Variants in C13orf42 observed in about 807,000 individuals in gnomAD.
C13orf42 encodes the protein chromosome 13 open reading frame 42.
chr13:51,144,756 A>G (rs1204091425), intron 1 of C13orf42, among the ~76,000 whole-genome samples: 1 of 152,202 alleles, frequency 6.6e-6, no homozygotes, highest in Non-Finnish European at 1.5e-5. Context: ...AAAGAAAAGG[A>G]AATTTCACCC....
At chr13:51,137,903 T>C (rs1953669512) in intron 1 of C13orf42, among the ~76,000 whole-genome samples, 1 of 152,210 alleles carries the variant, frequency 6.6e-6, no homozygotes, top group South Asian at 2.1e-4. Flanking sequence ...TGGCTTCTGT[T>C]ACTTACAAAT....
intron 1 of C13orf42, among the ~76,000 whole-genome samples, chr13:51,158,939 T>C (rs1459251551): frequency 6.6e-6 from 1 of 152,234 alleles, no homozygotes; most frequent in Non-Finnish European, 1.5e-5. Context: ...TGGTTTTCCT[T>C]CTCCGCTTCT....
chr13:51,127,778 A>T (rs141148628), intron 1 of C13orf42, among the ~76,000 whole-genome samples: 7 of 152,360 alleles, frequency 4.6e-5, no homozygotes, highest in Non-Finnish European at 8.8e-5. Context: ...ACAAAAGAAC[A>T]AATGCTGTAT....
At chr13:51,107,225 TAGAA>T (rs1473313165) in intron 1 of C13orf42, among the ~76,000 whole-genome samples, 11 of 152,288 alleles carry the variant, frequency 7.2e-5, no homozygotes, top group African/African-American at 2.6e-4. Flanking sequence ...TGGGACCTGT[TAGAA>T]AGCCTCATTC....
chr13:51,090,369 T>C (rs1953169316), intron 1 of C13orf42, among the ~76,000 whole-genome samples: 1 of 152,136 alleles, frequency 6.6e-6, no homozygotes, highest in South Asian at 2.1e-4. Flanking sequence ...GATATCACTT[T>C]AGAGATTTTT....
intron 1 of C13orf42, among the ~76,000 whole-genome samples, chr13:51,155,844 C>G (rs9535587): frequency 6.6e-6 from 1 of 152,094 alleles, no homozygotes; most frequent in African/African-American, 2.4e-5. Flanking sequence ...CTTGTTCACA[C>G]AAGGACAACT....
chr13:51,141,309 G>A (rs984424172), intron 1 of C13orf42, among the ~76,000 whole-genome samples: 4 of 151,252 alleles, frequency 2.6e-5, no homozygotes, highest in Admixed American at 6.6e-5. Flanking sequence ...CTGCAACAGA[G>A]GACACTCTTG....
chr13:51,117,771 A>T (rs1217842893), intron 1 of C13orf42, among the ~76,000 whole-genome samples: 2 of 152,166 alleles, frequency 1.3e-5, no homozygotes, highest in African/African-American at 4.8e-5. Flanking sequence ...CCATAACTGA[A>T]ATAGGAATAT....
At chr13:51,112,980 C>G (rs1593538722), upstream of C13orf42, among the ~76,000 whole-genome samples, 1 of 152,170 alleles carries the variant, frequency 6.6e-6, no homozygotes, top group Non-Finnish European at 1.5e-5. Flanking sequence ...GACTGAACTT[C>G]TTCTCAGAGG....
chr13:51,129,394 G>A (rs577665226), intron 1 of C13orf42, among the ~76,000 whole-genome samples: 6 of 152,116 alleles, frequency 3.9e-5, no homozygotes, highest in Non-Finnish European at 7.4e-5. Flanking sequence ...TGGGACTTAG[G>A]GGGCTTTTTC....
At chr13:51,108,091 CT>C (rs1417560885) in intron 1 of C13orf42, among the ~76,000 whole-genome samples, 1 of 152,154 alleles carries the variant, frequency 6.6e-6, no homozygotes, top group Non-Finnish European at 1.5e-5. Flanking sequence ...AGGTCCTTGG[CT>C]TTTGTCCGTG....
intron 1 of C13orf42, among the ~76,000 whole-genome samples, chr13:51,138,809 A>C (rs1354352599): frequency 2.6e-5 from 4 of 152,250 alleles, no homozygotes; most frequent in Non-Finnish European, 5.9e-5. Flanking sequence ...AGCACTATTC[A>C]CAACAGCCAA....
chr13:51,083,362 G>C lies in C13orf42; in HGVS notation c.*789C>G, dbSNP rs1953085572. 1 of 152,222 alleles carries C rather than the reference G, an allele frequency of 6.6e-6. No homozygotes were observed. Among genetic ancestry groups the C allele is most frequent in the Non-Finnish European group, 1.5e-5 (1 of 68,036 alleles). The allele number at this position is 152,222 out of a possible 1,614,324, so 9.4% of individuals were successfully genotyped here. On this transcript the variant is annotated 3_prime_UTR_variant, in exon 4 of 4. Transcript: ENST00000563710. ...CTGATTGTTCTCTTAACTGGGGAAA[G>C]GGAAAGGTGTGGCCTGTCATAAACT... is the stretch of plus-strand genomic sequence containing the variant.
At chr13:51,116,305 G>C (rs908636043) in intron 1 of C13orf42, among the ~76,000 whole-genome samples, 1 of 152,202 alleles carries the variant, frequency 6.6e-6, no homozygotes. Context: ...TGAGTAATGA[G>C]AGGCTGGGTT....
chr13:51,121,628 C>T (rs187352178), intron 1 of C13orf42, among the ~76,000 whole-genome samples: 2 of 151,860 alleles, frequency 1.3e-5, no homozygotes, highest in East Asian at 1.9e-4. Flanking sequence ...CTCCACCTCC[C>T]GGGTTCAAGT....
intron 1 of C13orf42, among the ~76,000 whole-genome samples, chr13:51,154,364 G>A (rs1335533931): frequency 6.6e-6 from 1 of 152,196 alleles, no homozygotes; most frequent in Non-Finnish European, 1.5e-5. Context: ...GAATTGCTGA[G>A]TCATAGGGAC....
At chr13:51,136,362 C>G (rs1566136041) in intron 1 of C13orf42, among the ~76,000 whole-genome samples, 2 of 152,202 alleles carry the variant, frequency 1.3e-5, no homozygotes, top group African/African-American at 2.4e-5. Context: ...CTGGCTGAGT[C>G]CTCCAGAGAA....
intron 1 of C13orf42, among the ~76,000 whole-genome samples, chr13:51,164,610 T>C (rs1177352683): frequency 6.6e-6 from 1 of 152,180 alleles, no homozygotes; most frequent in Non-Finnish European, 1.5e-5. Context: ...TAATAAGCTA[T>C]GATTGCACCA....
intron 1 of C13orf42, among the ~76,000 whole-genome samples, chr13:51,119,696 A>C (rs116302838): frequency 6.6e-6 from 1 of 152,200 alleles, no homozygotes; most frequent in African/African-American, 2.4e-5. Context: ...TGAGGTGCCC[A>C]GAGTAATGAA....
Sources: allele counts gnomAD v4.1 joint callset (sites outside exome capture counted in the v4.1 genomes callset), GRCh38; gene constraint gnomAD v4.1.1; transcripts MANE v1.5; gene names NCBI Gene and HGNC (gene_info 2026-07-23, HGNC 2026-07-21).